SPNS2: variants seen among roughly 807,000 people sequenced by gnomAD.
The protein encoded by SPNS2 is SPNS lysolipid transporter 2, sphingosine-1-phosphate.
A neutral mutation model predicts 57.6 loss-of-function variants in SPNS2; 37 were observed. The observed-to-expected ratio is 0.64, with a 90% CI of 0.49 to 0.85. The LOEUF (loss-of-function observed/expected upper bound fraction) is 0.85. Ranked by LOEUF, SPNS2 falls within the 40% of genes least tolerant of loss-of-function variation. The probability of loss-of-function intolerance (pLI) is 0.00; values close to 1 mark genes in which losing one functional copy is unlikely to be tolerated. For missense variants in SPNS2, 831 were observed against 779.1 expected (o/e 1.07, Z -0.79); for synonymous variants, 440 against 346.9 (o/e 1.27, Z -2.98).
At chr17:4,500,054 A>C (rs922285160) in intron 1 of SPNS2, among the ~76,000 whole-genome samples, 2 of 152,118 alleles carry the variant, frequency 1.3e-5, no homozygotes, top group Non-Finnish European at 2.9e-5. Context: ...TGCGGTTTGC[A>C]GCTGGCCCTG....
rs1037900408 is a variant in SPNS2, at chr17:4,510,045, A to G, written c.371-3202A>G. Among the ~76,000 whole-genome samples the G allele has an allele frequency of 4.6e-5, 7 of 152,224 alleles. No individual in the cohort carries two copies. Among genetic ancestry groups the G allele is most frequent in the Admixed American group, 4.6e-4 (7 of 15,288 alleles). On this transcript the variant is annotated intron_variant, in intron 1 of 12. Coordinates refer to ENST00000329078, the MANE Select transcript of SPNS2 (RefSeq NM_001124758.3). The surrounding 1 kb of genome is among the most constrained non-coding windows in gnomAD (Gnocchi z 4.4). ...TGGGCCTGAGCCGTGCTGGAGCCCA[A>G]AGGAAAATCTGAGGCGACCCGCCGA...
chr17:4,500,018 G>A (rs1904427457), intron 1 of SPNS2, among the ~76,000 whole-genome samples: 1 of 152,176 alleles, frequency 6.6e-6, no homozygotes, highest in African/African-American at 2.4e-5. Flanking sequence ...GGGCGGGGCG[G>A]GTCCGCGGCG....
intron 12 of SPNS2, 38 bp downstream of exon 12, chr17:4,536,984 G>A (rs754054474): frequency 3.1e-6 from 5 of 1,608,842 alleles, no homozygotes; most frequent in Non-Finnish European, 4.2e-6. Flanking sequence ...GGCTCCCTAA[G>A]GAAAGGGGAA....
intron 9 of SPNS2, chr17:4,534,316 G>A (rs1352604730): frequency 1.9e-5 from 4 of 207,666 alleles, no homozygotes; most frequent in Non-Finnish European, 4.0e-5. Context: ...GGGGACAAAG[G>A]GCTGTCTTGA....
intron 2 of SPNS2, among the ~76,000 whole-genome samples, chr17:4,523,132 T>G (rs1421120107): frequency 1.3e-5 from 2 of 152,242 alleles, no homozygotes; most frequent in Non-Finnish European, 2.9e-5. Context: ...ATACCCACTT[T>G]GACCGCTCAA....
rs1906035165 is a variant in SPNS2, at chr17:4,538,803, G to A, written c.*1355G>A. ...ACCCCGAGGGCCTGACAAGAGGATG[G>A]GGTGGGGGTGGCATCCTCCAAAGAC... On this transcript the variant is annotated 3_prime_UTR_variant, in exon 13 of 13. Coordinates refer to ENST00000329078, the MANE Select transcript of SPNS2 (RefSeq NM_001124758.3). 1.3e-6 allele frequency: 1 copy of A among 763,012 alleles called. No individual in the cohort carries two copies. The highest frequency in any genetic ancestry group is 1.4e-5 in the South Asian group (1 of 72,606). 47.3% of individuals were successfully genotyped at this position (763,012 alleles called of 1,614,324 possible).
At chr17:4,533,614 C>T in intron 8 of SPNS2, 174 bp from the exon 9 acceptor site, 1 of 1,005,008 alleles carries the variant, frequency 1.0e-6, no homozygotes, top group Non-Finnish European at 1.5e-6. Flanking sequence ...CTCTGGGTGC[C>T]TCAGGGCCGT....
chr17:4,535,426 A>G (rs1252122858), intron 9 of SPNS2, among the ~76,000 whole-genome samples: 1 of 152,256 alleles, frequency 6.6e-6, no homozygotes, highest in East Asian at 1.9e-4. Context: ...GGAGGTGAGG[A>G]CAAATGGCTG....
intron 1 of SPNS2, among the ~76,000 whole-genome samples, chr17:4,506,286 G>A (rs1904676094): frequency 6.6e-6 from 1 of 152,142 alleles, no homozygotes; most frequent in African/African-American, 2.4e-5. Flanking sequence ...GGGCTTGAGG[G>A]GAGCCATTCT....
At chr17:4,506,006 G>T (rs1904667018) in intron 1 of SPNS2, among the ~76,000 whole-genome samples, 2 of 152,206 alleles carry the variant, frequency 1.3e-5, no homozygotes, top group South Asian at 4.1e-4. Flanking sequence ...GAGAGGTGGG[G>T]TTACTTGGTC....
rs750431070 is a variant in SPNS2, at chr17:4,538,079, G to C, written c.*631G>C. The C allele has an allele frequency of 8.9e-6, 3 of 337,244 alleles. No homozygotes were observed. Among genetic ancestry groups the C allele is most frequent in the Non-Finnish European group, 1.8e-5 (3 of 169,540 alleles). 20.9% of individuals were successfully genotyped at this position (337,244 alleles called of 1,614,324 possible). On this transcript the variant is annotated 3_prime_UTR_variant, in exon 13 of 13. Transcript: ENST00000329078. ...CTGGAGGACACTGTCTCACTGTCTC[G>C]GGTTGGCTCCCAGCCTGGAGGTCCC...
chr17:4,513,330 C>A lies in SPNS2; in HGVS notation c.436+18C>A. On this transcript the variant is annotated intron_variant, in intron 2 of 12. Coordinates refer to ENST00000329078, the MANE Select transcript of SPNS2 (RefSeq NM_001124758.3). ...GCAGTCAGGTGAGGCCCACCTCCCACCTTCCCCCCCACGCCCAGGCGTTGG... is the reference window on the plus strand; with the variant it reads ...GCAGTCAGGTGAGGCCCACCTCCCAACTTCCCCCCCACGCCCAGGCGTTGG... 6.2e-7 allele frequency: 1 copy of A among 1,613,182 alleles called. No individual in the cohort carries two copies.
rs572109858 is a variant in SPNS2 at position 4,536,007 on chromosome 17, G to C, written c.1345-69G>C. ...GGTGTGGGGGCTTCAGAAGTGCCAC[G>C]GCCCGGGGCCAGGGCCAAGCGCGTG... On this transcript the variant is annotated intron_variant, in intron 9 of 12. Transcript: ENST00000329078. 2,892 of 1,388,862 alleles carry C rather than the reference G, an allele frequency of 2.1e-3. 5 individuals are homozygous for C. The highest frequency in any genetic ancestry group is 2.7e-3 in the Non-Finnish European group (2,685 of 1,006,936). The allele number at this position is 1,388,862 out of a possible 1,614,324, so 86.0% of individuals were successfully genotyped here. A position where few individuals can be genotyped will look rare whatever the true frequency, so the allele number is the denominator to read the frequency against.
At chr17:4,519,878 TTC>T (rs890407273) in intron 2 of SPNS2, among the ~76,000 whole-genome samples, 1 of 152,098 alleles carries the variant, frequency 6.6e-6, no homozygotes, top group African/African-American at 2.4e-5. Flanking sequence ...GCCAGGAACA[TTC>T]TCTCAGCCCC....
At position 4,513,338 on chromosome 17, in the gene SPNS2, C is replaced by T. The variant is rs548347508; in HGVS notation, c.436+26C>T. 1.2e-5 allele frequency: 19 copies of T among 1,612,642 alleles called. No homozygotes were observed. In the African/African-American group the frequency reaches 1.6e-4, roughly 14 times the overall value. On this transcript the variant is annotated intron_variant, in intron 2 of 12. Coordinates refer to ENST00000329078, the MANE Select transcript of SPNS2 (RefSeq NM_001124758.3). ...GTGAGGCCCACCTCCCACCTTCCCCCCCACGCCCAGGCGTTGGCGTCGTGG... is the reference window on the plus strand; with the variant it reads ...GTGAGGCCCACCTCCCACCTTCCCCTCCACGCCCAGGCGTTGGCGTCGTGG...
chr17:4,524,343 G>A lies in SPNS2; in HGVS notation c.437-714G>A, dbSNP rs1905212877. Among the ~76,000 whole-genome samples, 3 of 152,182 alleles carry A rather than the reference G, an allele frequency of 2.0e-5. No homozygotes were observed. In the South Asian group the frequency reaches 6.2e-4, roughly 31 times the overall value. ...TCTGAGTCTGTCTCCGCATCTGTGA[G>A]GTGGGAGGGGGCTGGAAAGATACGT... is the stretch of plus-strand genomic sequence containing the variant. On this transcript the variant is annotated intron_variant, in intron 2 of 12. Coordinates refer to ENST00000329078, the MANE Select transcript of SPNS2 (RefSeq NM_001124758.3).
chr17:4,519,089 C>T (rs569577491), intron 2 of SPNS2, among the ~76,000 whole-genome samples: 7 of 152,334 alleles, frequency 4.6e-5, no homozygotes, highest in African/African-American at 1.2e-4. Flanking sequence ...GCCTGGCCCC[C>T]GCCCCACCCA....
Position 4,499,599 on chromosome 17 carries a change from T to A in SPNS2, c.370+182T>A. 4.7e-6 allele frequency: 2 copies of A among 425,092 alleles called. No homozygotes were observed. The highest frequency in any genetic ancestry group is 8.2e-6 in the Non-Finnish European group (2 of 243,106). 26.3% of individuals were successfully genotyped at this position (425,092 alleles called of 1,614,324 possible). On this transcript the variant is annotated intron_variant, in intron 1 of 12. Coordinates refer to ENST00000329078, the MANE Select transcript of SPNS2 (RefSeq NM_001124758.3). The surrounding 1 kb of genome is among the most constrained non-coding windows in gnomAD (Gnocchi z 5.2). ...AAGGGATGCCTCCGTGCACCACGGGTACAATCCAGCTCCCCGCTCATACAC... is the reference window on the plus strand; with the variant it reads ...AAGGGATGCCTCCGTGCACCACGGGAACAATCCAGCTCCCCGCTCATACAC...
intron 9 of SPNS2, among the ~76,000 whole-genome samples, chr17:4,534,888 C>T (rs1905697891): frequency 6.6e-6 from 1 of 152,098 alleles, no homozygotes. Flanking sequence ...CCCCAGGGAG[C>T]GCCTGACAGC....
Sources: gnomAD v4.1 joint callset for allele counts (sites outside exome capture counted in the v4.1 genomes callset) on GRCh38, gnomAD v4.1.1 for gene constraint, Gnocchi (gnomAD v3.1) non-coding constraint, MANE v1.5 for transcripts, NCBI Gene and HGNC (gene_info 2026-07-23, HGNC 2026-07-21) for gene names.